OPHN1: variants seen among roughly 807,000 people sequenced by gnomAD.
OPHN1 encodes the protein oligophrenin-1.
Under a neutral mutation model 60.7 loss-of-function variants are expected in OPHN1, and 11 were observed. That is an observed-to-expected ratio of 0.18 (90% confidence interval 0.11 to 0.30). OPHN1 has a LOEUF of 0.30. Ranked by LOEUF, OPHN1 falls within the 10% of genes least tolerant of loss-of-function variation. The probability of loss-of-function intolerance (pLI) is 1.00; values close to 1 mark genes in which losing one functional copy is unlikely to be tolerated. For missense variants in OPHN1, 449 were observed against 611.0 expected, an observed-to-expected ratio of 0.73 and a Z score of 2.80; for synonymous variants, 226 against 222.6, an observed-to-expected ratio of 1.02 and a Z score of -0.14.
chrX:68,276,928 C>A (rs914411531), intron 4 of OPHN1, among the ~76,000 whole-genome samples: 22 of 111,513 alleles, frequency 2.0e-4, no homozygotes, highest in African/African-American at 7.2e-4. Context: ...GCCATCCCCA[C>A]TGGAAGGTGC....
intron 2 of OPHN1, among the ~76,000 whole-genome samples, chrX:68,401,526 T>C (rs1027271157): frequency 8.9e-6 from 1 of 112,428 alleles, no homozygotes; most frequent in Non-Finnish European, 1.9e-5. Context: ...AACACAATTG[T>C]ACAGTGATAC....
chrX:68,319,495 G>C (rs888098321), intron 2 of OPHN1, among the ~76,000 whole-genome samples: 1 of 110,935 alleles, frequency 9.0e-6, no homozygotes. Flanking sequence ...CAGCACTTTG[G>C]GAGGCCGAGG....
intron 15 of OPHN1, among the ~76,000 whole-genome samples, chrX:68,161,378 C>A (rs751809678): frequency 9.0e-6 from 1 of 110,665 alleles, no homozygotes; most frequent in African/African-American, 3.3e-5. Context: ...AATACCAAAA[C>A]CAGAATACGA....
intron 17 of OPHN1, 102 bp from the exon 18 acceptor site, chrX:68,112,061 G>A (rs748742917): frequency 5.8e-5 from 23 of 393,717 alleles, no homozygotes; most frequent in African/African-American, 2.7e-4. Flanking sequence ...ATGCACACAT[G>A]CACACACACA....
chrX:68,215,506 T>C (rs945789126), intron 6 of OPHN1, among the ~76,000 whole-genome samples: 7 of 110,829 alleles, frequency 6.3e-5, no homozygotes, highest in African/African-American at 9.8e-5. Context: ...TACAATAATA[T>C]AATAAATACT....
intron 15 of OPHN1, among the ~76,000 whole-genome samples, chrX:68,187,124 G>C (rs755376436): frequency 2.7e-5 from 3 of 111,955 alleles, no homozygotes; most frequent in Non-Finnish European, 3.8e-5. Flanking sequence ...TGACCTCGGG[G>C]TCCACTTAAC....
At chrX:68,309,979 T>C (rs1037460378) in intron 2 of OPHN1, among the ~76,000 whole-genome samples, 1 of 111,991 alleles carries the variant, frequency 8.9e-6, no homozygotes, top group Admixed American at 9.5e-5. Context: ...ATCAACTATA[T>C]ATATGATAAA....
At chrX:68,058,634 T>G (rs1208179337) in intron 21 of OPHN1, among the ~76,000 whole-genome samples, 1 of 111,596 alleles carries the variant, frequency 9.0e-6, no homozygotes, top group African/African-American at 3.3e-5. Flanking sequence ...TACAGAAGAG[T>G]AGACACCCCA....
intron 21 of OPHN1, among the ~76,000 whole-genome samples, chrX:68,056,015 A>T (rs2076871503): frequency 9.0e-6 from 1 of 111,242 alleles, no homozygotes; most frequent in African/African-American, 3.3e-5. Flanking sequence ...TGATGAGTTA[A>T]TGGGTGCAGC....
chrX:68,043,440 T>C lies in OPHN1; in HGVS notation c.*3732A>G. 1 of 111,067 alleles carries C rather than the reference T, an allele frequency of 9.0e-6. No individual in the cohort carries two copies. The highest frequency in any genetic ancestry group is 1.9e-5 in the Non-Finnish European group (1 of 52,969). The allele number at this position is 111,067 out of a possible 1,213,427, so 9.2% of individuals were successfully genotyped here. A position where few individuals can be genotyped will look rare whatever the true frequency, so the allele number is the denominator to read the frequency against. Reference sequence around the variant, plus strand: ...CTCTGAAATTTTTTATTATTTCTGATGTTTTTTTCCAGGCTTGTAATGTGT... The same window carrying C: ...CTCTGAAATTTTTTATTATTTCTGACGTTTTTTTCCAGGCTTGTAATGTGT... On this transcript the variant is annotated 3_prime_UTR_variant, in exon 25 of 25. Coordinates refer to ENST00000355520, the MANE Select transcript of OPHN1 (RefSeq NM_002547.3).
At chrX:68,402,309 GAGAGAAAGAA>G (rs905623684) in intron 2 of OPHN1, among the ~76,000 whole-genome samples, 2 of 106,379 alleles carry the variant, frequency 1.9e-5, no homozygotes, top group African/African-American at 6.9e-5. Flanking sequence ...GAAAAGAAAA[GAGAGAAAGAA>G]AGAGAAGGAA....
chrX:68,362,626 A>G (rs988535067), intron 2 of OPHN1, among the ~76,000 whole-genome samples: 1 of 111,083 alleles, frequency 9.0e-6, no homozygotes, highest in African/African-American at 3.3e-5. Flanking sequence ...CAGGAGCTCA[A>G]AGGGAAAGAG....
At chrX:68,202,774 CG>C (rs1354929942) in intron 10 of OPHN1, among the ~76,000 whole-genome samples, 1 of 110,265 alleles carries the variant, frequency 9.1e-6, no homozygotes, top group African/African-American at 3.3e-5. Context: ...GGATTACAGG[CG>C]TGAGCCACTG....
intron 2 of OPHN1, among the ~76,000 whole-genome samples, chrX:68,363,780 T>C (rs1485457598): frequency 1.8e-5 from 2 of 111,140 alleles, no homozygotes; most frequent in East Asian, 5.6e-4. Flanking sequence ...GAAATATATA[T>C]GGGTATAATG....
At chrX:68,389,657 T>TAAAAAA (rs34892434) in intron 2 of OPHN1, among the ~76,000 whole-genome samples, 2 of 88,561 alleles carry the variant, frequency 2.3e-5, no homozygotes, top group Non-Finnish European at 4.3e-5. Context: ...TGTGATTTAG[T>TAAAAAA]AAAAAAAAAA....
At chrX:68,049,077 C>G (rs1350932314) in intron 23 of OPHN1, among the ~76,000 whole-genome samples, 6 of 111,021 alleles carry the variant, frequency 5.4e-5, no homozygotes, top group African/African-American at 2.0e-4. Flanking sequence ...CAATTGCCAC[C>G]AAATACTAGG....
At chrX:68,230,052 TAAAC>T (rs1383267280) in intron 6 of OPHN1, among the ~76,000 whole-genome samples, 1 of 111,742 alleles carries the variant, frequency 8.9e-6, no homozygotes, top group Non-Finnish European at 1.9e-5. Context: ...ACAAAGAACT[TAAAC>T]AAATTTACAA....
intron 2 of OPHN1, among the ~76,000 whole-genome samples, chrX:68,401,498 G>A (rs1336657949): frequency 1.8e-5 from 2 of 112,284 alleles, no homozygotes; most frequent in Non-Finnish European, 3.8e-5. Context: ...CAATTGTACA[G>A]TAACGCAATT....
chrX:68,229,912 T>G (rs2077718749), intron 6 of OPHN1, among the ~76,000 whole-genome samples: 1 of 111,414 alleles, frequency 9.0e-6, no homozygotes, highest in African/African-American at 3.3e-5. Context: ...AATTGACAAA[T>G]GGGATCTAAT....
Sources: allele counts gnomAD v4.1 joint callset (sites outside exome capture counted in the v4.1 genomes callset), GRCh38; gene constraint gnomAD v4.1.1; transcripts MANE v1.5; gene names NCBI Gene and HGNC (gene_info 2026-07-23, HGNC 2026-07-21).